The following NKAIN3 variants were observed in gnomAD, a reference collection of about 807,000 sequenced individuals.
NKAIN3 encodes sodium/potassium-transporting ATPase subunit beta-1-interacting protein 3.
Under a neutral mutation model 30.2 loss-of-function variants are expected in NKAIN3, and 25 were observed. The ratio of observed to expected loss-of-function variants is 0.83; its 90% CI spans 0.60 to 1.16. NKAIN3 has a LOEUF of 1.16. Among genes scored for constraint, NKAIN3 ranks in the 50% most tolerant of loss-of-function variants. The pLI, the probability that NKAIN3 is intolerant of heterozygous loss-of-function variation, is 0.00. For missense variants in NKAIN3, 225 were observed against 254.1 expected (o/e 0.89, Z 0.78); for synonymous variants, 91 against 89.6 (o/e 1.02, Z -0.09).
chr8:62,652,753 A>G (rs1052081401), intron 3 of NKAIN3, among the ~76,000 whole-genome samples: 13 of 152,160 alleles, frequency 8.5e-5, no homozygotes, highest in African/African-American at 2.7e-4. Flanking sequence ...TAAGCACTGT[A>G]CCTGTAATCC....
chr8:62,323,178 G>A (rs1465708832), intron 1 of NKAIN3, among the ~76,000 whole-genome samples: 2 of 152,060 alleles, frequency 1.3e-5, no homozygotes, highest in African/African-American at 2.4e-5. Context: ...ACATGCCTTG[G>A]TATTTACCCC....
intron 4 of NKAIN3, among the ~76,000 whole-genome samples, chr8:62,790,585 G>C (rs865781359): frequency 4.2e-4 from 64 of 150,724 alleles, no homozygotes; most frequent in Middle Eastern, 6.8e-3. Flanking sequence ...GTCTGTCTGT[G>C]TGTGTGTGTG....
chr8:62,750,681 A>G (rs1324234067), intron 4 of NKAIN3, among the ~76,000 whole-genome samples: 1 of 152,134 alleles, frequency 6.6e-6, no homozygotes, highest in Non-Finnish European at 1.5e-5. Context: ...TTGTTGTCCT[A>G]AAGTCACCAA....
intron 3 of NKAIN3, among the ~76,000 whole-genome samples, chr8:62,678,916 A>G (rs2088289411): frequency 6.6e-6 from 1 of 152,172 alleles, no homozygotes; most frequent in South Asian, 2.1e-4. Flanking sequence ...AGGCTGGAAC[A>G]CAAACAGGAC....
At chr8:62,448,987 T>C (rs918524120) in intron 1 of NKAIN3, among the ~76,000 whole-genome samples, 2 of 151,974 alleles carry the variant, frequency 1.3e-5, no homozygotes, top group African/African-American at 4.8e-5. Flanking sequence ...CAAGCTATGT[T>C]GTTTGCCTTT....
intron 3 of NKAIN3, among the ~76,000 whole-genome samples, chr8:62,657,493 A>C (rs1325069997): frequency 6.6e-6 from 1 of 152,200 alleles, no homozygotes; most frequent in East Asian, 1.9e-4. Context: ...TCTGTGTTCA[A>C]AGTTAATCCT....
intron 1 of NKAIN3, among the ~76,000 whole-genome samples, chr8:62,454,432 G>A (rs968898221): frequency 4.3e-4 from 66 of 152,116 alleles, no homozygotes; most frequent in African/African-American, 1.6e-3. Context: ...GATTGGACAA[G>A]CTTGTATTAT....
chr8:62,587,555 T>C (rs962750267), intron 2 of NKAIN3, among the ~76,000 whole-genome samples: 2 of 151,978 alleles, frequency 1.3e-5, no homozygotes, highest in Admixed American at 6.6e-5. Context: ...ATAATCCTTT[T>C]ACTAAAATCT....
intron 6 of NKAIN3, among the ~76,000 whole-genome samples, chr8:62,955,610 G>A (rs188771808): frequency 1.3e-3 from 191 of 152,236 alleles, no homozygotes; most frequent in African/African-American, 4.2e-3. Flanking sequence ...ATTAGGGAAA[G>A]TTATTAAAAA....
chr8:62,790,393 A>G (rs2130671255), intron 4 of NKAIN3, among the ~76,000 whole-genome samples: 1 of 152,248 alleles, frequency 6.6e-6, no homozygotes, highest in Admixed American at 6.5e-5. Context: ...TCCCTTTGAA[A>G]ACTGGCACAA....
chr8:62,579,489 T>C (rs751792520), intron 1 of NKAIN3, 50 bp from the exon 2 acceptor site: 2 of 1,466,586 alleles, frequency 1.4e-6, no homozygotes, highest in South Asian at 2.8e-5. Flanking sequence ...ATTAAAATAG[T>C]ATGATGATGC....
At chr8:62,549,372 AT>A (rs1290018056) in intron 1 of NKAIN3, among the ~76,000 whole-genome samples, 2 of 152,064 alleles carry the variant, frequency 1.3e-5, no homozygotes, top group East Asian at 3.9e-4. Context: ...TAGTTAGGTT[AT>A]TTTTGTTTAA....
intron 1 of NKAIN3, among the ~76,000 whole-genome samples, chr8:62,292,744 G>A (rs996420104): frequency 6.6e-6 from 1 of 151,996 alleles, no homozygotes; most frequent in African/African-American, 2.4e-5. Flanking sequence ...ATATCTTTGT[G>A]GTGTTCTCTG....
At chr8:62,441,225 A>T (rs1805314500) in intron 1 of NKAIN3, among the ~76,000 whole-genome samples, 1 of 152,030 alleles carries the variant, frequency 6.6e-6, no homozygotes, top group South Asian at 2.1e-4. Flanking sequence ...ATAATATGCT[A>T]TTTTTACTAC....
chr8:62,493,407 T>C (rs770164856), intron 1 of NKAIN3, among the ~76,000 whole-genome samples: 30 of 152,162 alleles, frequency 2.0e-4, no homozygotes, highest in Non-Finnish European at 4.1e-4. Flanking sequence ...ACCAGTACCA[T>C]GTTGTTTTGG....
At position 62,339,210 on chromosome 8, in the gene NKAIN3, G is replaced by A. The variant is rs1815663050; in HGVS notation, c.54+90083G>A. Reference sequence around the variant, plus strand: ...CCCCAGAATGAGTGATACCTAGGGAGTGAGTTAAGTGAGAGATTGTCTGAG... The same window carrying A: ...CCCCAGAATGAGTGATACCTAGGGAATGAGTTAAGTGAGAGATTGTCTGAG... On this transcript the variant is annotated intron_variant, in intron 1 of 6. Transcript: ENST00000623646. Among the ~76,000 whole-genome samples the A allele has an allele frequency of 2.0e-5, 3 of 152,022 alleles. No individual in the cohort carries two copies. In the South Asian group the frequency reaches 6.2e-4, roughly 31 times the overall value.
intron 4 of NKAIN3, among the ~76,000 whole-genome samples, chr8:62,782,086 A>C (rs2130654543): frequency 6.6e-6 from 1 of 151,958 alleles, no homozygotes; most frequent in South Asian, 2.1e-4. Context: ...AACAGGAAAA[A>C]ATTCTCATTA....
chr8:62,481,053 C>T (rs936906425), intron 1 of NKAIN3, among the ~76,000 whole-genome samples: 1 of 152,152 alleles, frequency 6.6e-6, no homozygotes, highest in African/African-American at 2.4e-5. Flanking sequence ...TCTCATGCTT[C>T]TCATATTTAT....
rs576300718 is a variant in NKAIN3, at chr8:62,971,152, T to C, written c.*5745T>C. ...TGGCTGCTGAAGCTTCAGCCATTGG[T>C]TTTGTATTCTGGCCTTGGAGGTGGA... On this transcript the variant is annotated 3_prime_UTR_variant, in exon 7 of 7. Transcript: ENST00000623646. 9.9e-4 allele frequency among the ~76,000 whole-genome samples: 151 copies of C among 152,234 alleles called. 3 individuals are homozygous for C. In the South Asian group the frequency reaches 0.029, roughly 29 times the overall value.
Sources: gnomAD v4.1 joint callset for allele counts (sites outside exome capture counted in the v4.1 genomes callset) on GRCh38, gnomAD v4.1.1 for gene constraint, MANE v1.5 for transcripts, NCBI Gene and HGNC (gene_info 2026-07-23, HGNC 2026-07-21) for gene names.